BMPR2: variants seen among roughly 807,000 people sequenced by gnomAD.
BMPR2 encodes the protein bone morphogenetic protein receptor type-2.
Under a neutral mutation model 100.8 loss-of-function variants are expected in BMPR2, and 29 were observed. That is an observed-to-expected ratio of 0.29 (90% CI 0.21 to 0.39). The LOEUF (loss-of-function observed/expected upper bound fraction) is 0.39, where lower values mean the gene tolerates loss of function less well. Among genes scored for constraint, BMPR2 ranks in the 10% least tolerant of loss-of-function variants. The pLI is 1.00. For synonymous variants in BMPR2, 382 were observed against 442.3 expected, an observed-to-expected ratio of 0.86 and a Z score of 1.71; for missense variants, 1,011 against 1,274.5, an observed-to-expected ratio of 0.79 and a Z score of 3.15.
intron 3 of BMPR2, among the ~76,000 whole-genome samples, chr2:202,494,957 G>T (rs913783559): frequency 1.3e-5 from 2 of 152,152 alleles, no homozygotes; most frequent in Non-Finnish European, 2.9e-5. Flanking sequence ...GTGATGCGGG[G>T]TGTGGCTCAC....
intron 3 of BMPR2, 109 bp downstream of exon 3, chr2:202,467,798 C>A: frequency 2.6e-6 from 3 of 1,146,802 alleles, no homozygotes; most frequent in Non-Finnish European, 3.9e-6. Context: ...ATGGCTCATG[C>A]CTGTAATGCC....
chr2:202,507,674 C>A (rs1687548031), intron 3 of BMPR2, among the ~76,000 whole-genome samples: 1 of 151,848 alleles, frequency 6.6e-6, no homozygotes, highest in African/African-American at 2.4e-5. Context: ...CAGGCATGAA[C>A]TACTGTTGCC....
intron 3 of BMPR2, among the ~76,000 whole-genome samples, chr2:202,493,790 G>A (rs1409837529): frequency 2.0e-5 from 3 of 152,080 alleles, no homozygotes. Context: ...ACTTTAGACT[G>A]TTATTTCTCT....
intron 1 of BMPR2, among the ~76,000 whole-genome samples, chr2:202,406,467 A>G (rs1690893961): frequency 6.6e-6 from 1 of 152,248 alleles, no homozygotes; most frequent in African/African-American, 2.4e-5. Flanking sequence ...CCATTTATAC[A>G]GTAATAAATT....
chr2:202,396,021 A>G (rs188122426), intron 1 of BMPR2, among the ~76,000 whole-genome samples: 178 of 152,260 alleles, frequency 1.2e-3, no homozygotes, highest in African/African-American at 3.6e-3. Context: ...GATGATGGAG[A>G]TGTTCTTTGG....
At chr2:202,554,292 A>T (rs181217986) in intron 11 of BMPR2, among the ~76,000 whole-genome samples, 193 of 151,924 alleles carry the variant, frequency 1.3e-3, no homozygotes, top group African/African-American at 4.5e-3. Flanking sequence ...ATGCTTTCAA[A>T]CTTTTCTTGA....
At chr2:202,394,941 A>T (rs577301458) in intron 1 of BMPR2, among the ~76,000 whole-genome samples, 21 of 150,848 alleles carry the variant, frequency 1.4e-4, no homozygotes, top group South Asian at 1.0e-3. Flanking sequence ...GCTGGAGTGC[A>T]GTGGCGCAAT....
At chr2:202,428,010 AAT>A (rs952422210) in intron 1 of BMPR2, among the ~76,000 whole-genome samples, 1 of 152,050 alleles carries the variant, frequency 6.6e-6, no homozygotes, top group African/African-American at 2.4e-5. Context: ...AAATAAAATA[AAT>A]AATACCTTTT....
chr2:202,389,315 C>G (rs1432741028), intron 1 of BMPR2, among the ~76,000 whole-genome samples: 3 of 151,820 alleles, frequency 2.0e-5, no homozygotes, highest in African/African-American at 7.3e-5. Context: ...ATCATGAGGT[C>G]AGGAGATTGA....
chr2:202,501,265 GA>G (rs1687385255), intron 3 of BMPR2, among the ~76,000 whole-genome samples: 1 of 152,184 alleles, frequency 6.6e-6, no homozygotes, highest in African/African-American at 2.4e-5. Flanking sequence ...TAAAACATTT[GA>G]GGGGGTTCCT....
At chr2:202,377,896 C>T (rs1035532354) in intron 1 of BMPR2, among the ~76,000 whole-genome samples, 4 of 152,160 alleles carry the variant, frequency 2.6e-5, no homozygotes, top group African/African-American at 9.7e-5. Flanking sequence ...ATTATGAGAT[C>T]TCTGGAAACA....
chr2:202,480,033 CTTAG>C (rs949261273), intron 3 of BMPR2, among the ~76,000 whole-genome samples: 1 of 151,988 alleles, frequency 6.6e-6, no homozygotes, highest in Non-Finnish European at 1.5e-5. Flanking sequence ...TGTCATTTTA[CTTAG>C]TTGGTGGTAT....
intron 1 of BMPR2, among the ~76,000 whole-genome samples, chr2:202,452,348 T>C (rs1245017249): frequency 7.2e-5 from 11 of 152,256 alleles, no homozygotes; most frequent in Admixed American, 1.3e-4. Context: ...AGTAGTAACT[T>C]ATATGGATGT....
At chr2:202,513,534 A>G (rs758716263) in intron 3 of BMPR2, among the ~76,000 whole-genome samples, 185 bp from the exon 4 acceptor site, 6 of 152,240 alleles carry the variant, frequency 3.9e-5, no homozygotes, top group Non-Finnish European at 5.9e-5. Context: ...AATAGTCTGT[A>G]TGATTAAAAA....
At position 202,376,542 on chromosome 2, in the gene BMPR2, G is replaced by GGCGGCA. The variant is rs1553583997; in HGVS notation, c.-930_-925dup. ...CGGCGGCGGCGGCGGCGGCGGCGGCGGCGGCAGCAGCAGCGGCTTCCTCGG... is the reference window on the plus strand; with the variant it reads ...CGGCGGCGGCGGCGGCGGCGGCGGCGGCGGCAGCGGCAGCAGCAGCGGCTTCCTCGG... On this transcript the variant is annotated 5_prime_UTR_variant, in exon 1 of 13. Coordinates refer to ENST00000374580, the MANE Select transcript of BMPR2 (RefSeq NM_001204.7). Among the ~76,000 whole-genome samples the GGCGGCA allele has an allele frequency of 2.3e-4, 33 of 141,406 alleles. 1 individual carries two copies. The highest frequency in any genetic ancestry group is 3.4e-4 in the Non-Finnish European group (22 of 65,242). 92.8% of individuals were successfully genotyped at this position (141,406 alleles called of 152,430 possible). A position where few individuals can be genotyped will look rare whatever the true frequency, so the allele number is the denominator to read the frequency against.
At chr2:202,438,901 T>C (rs1691672254) in intron 1 of BMPR2, among the ~76,000 whole-genome samples, 1 of 150,736 alleles carries the variant, frequency 6.6e-6, no homozygotes. Context: ...TCAGGAAATG[T>C]GAATCCTCTG....
intron 6 of BMPR2, 48 bp downstream of exon 6, chr2:202,519,100 G>A (rs548644799): frequency 1.3e-6 from 2 of 1,577,490 alleles, no homozygotes; most frequent in East Asian, 4.5e-5. Flanking sequence ...GGTGGCTTAT[G>A]CCTGTAATCC....
chr2:202,539,975 T>C (rs1432443421), intron 9 of BMPR2, among the ~76,000 whole-genome samples: 1 of 152,162 alleles, frequency 6.6e-6, no homozygotes, highest in Non-Finnish European at 1.5e-5. Context: ...TTATCTTCCA[T>C]GATGATGATT....
chr2:202,377,086 G>T lies in BMPR2; in HGVS notation c.-389G>T. The T allele has an allele frequency of 1.9e-6, 1 of 521,040 alleles. No individual in the cohort carries two copies. Among genetic ancestry groups the T allele is most frequent in the Non-Finnish European group, 3.4e-6 (1 of 297,404 alleles). The allele number at this position is 521,040 out of a possible 1,614,324, so 32.3% of individuals were successfully genotyped here. A position where few individuals can be genotyped will look rare whatever the true frequency, so the allele number is the denominator to read the frequency against. Reference sequence around the variant, plus strand: ...GACCCTCGCCCCCCGACCCCGGATCGAATCCCCGCCCTCCGCACCCTGGAT... The same window carrying T: ...GACCCTCGCCCCCCGACCCCGGATCTAATCCCCGCCCTCCGCACCCTGGAT... On this transcript the variant is annotated 5_prime_UTR_variant, in exon 1 of 13. Transcript: ENST00000374580.
Sources: gnomAD v4.1 joint callset for allele counts (sites outside exome capture counted in the v4.1 genomes callset) on GRCh38, gnomAD v4.1.1 for gene constraint, MANE v1.5 for transcripts, NCBI Gene and HGNC (gene_info 2026-07-23, HGNC 2026-07-21) for gene names.